The following BRWD3 variants were observed in gnomAD, a reference collection of about 807,000 sequenced individuals.
BRWD3 encodes bromodomain and WD repeat domain containing 3.
BRWD3 carries 10 observed loss-of-function variants against 149.7 expected under a neutral mutation model. The ratio of observed to expected loss-of-function variants is 0.07; its 90% CI spans 0.04 to 0.11. The LOEUF (loss-of-function observed/expected upper bound fraction) is 0.11. Ranked by LOEUF, BRWD3 falls within the 10% of genes least tolerant of loss-of-function variation. The pLI is 1.00. For missense variants in BRWD3, 940 were observed against 1,373.2 expected, an observed-to-expected ratio of 0.68 and a Z score of 4.99; for synonymous variants, 504 against 456.7, an observed-to-expected ratio of 1.10 and a Z score of -1.32.
intron 4 of BRWD3, among the ~76,000 whole-genome samples, chrX:80,794,015 C>A: frequency 9.1e-6 from 1 of 109,908 alleles, no homozygotes; most frequent in East Asian, 2.9e-4. Flanking sequence ...CCCATCTCCA[C>A]TAAAAATACA....
chrX:80,796,320 G>A (rs1391504544), intron 4 of BRWD3, among the ~76,000 whole-genome samples: 3 of 110,100 alleles, frequency 2.7e-5, no homozygotes, highest in Non-Finnish European at 3.8e-5. Flanking sequence ...TAGTAGAGAC[G>A]GGGTTTCACC....
intron 26 of BRWD3, among the ~76,000 whole-genome samples, chrX:80,696,254 A>G (rs1187406318): frequency 1.8e-5 from 2 of 111,012 alleles, no homozygotes; most frequent in Non-Finnish European, 3.8e-5. Context: ...AGGAGTATGA[A>G]TTAATGTTCT....
chrX:80,795,022 T>G (rs1310281716), intron 4 of BRWD3, among the ~76,000 whole-genome samples: 4 of 111,501 alleles, frequency 3.6e-5, no homozygotes, highest in Non-Finnish European at 7.5e-5. Flanking sequence ...AATACTATGC[T>G]TTAAATAACT....
chrX:80,726,075 G>A (rs868041629), intron 14 of BRWD3, among the ~76,000 whole-genome samples: 2 of 598 alleles, frequency 3.3e-3, no homozygotes, highest in East Asian at 0.5. Context: ...ATGTTTACAT[G>A]TTGTCTGTAT....
chrX:80,715,886 C>G, intron 20 of BRWD3, among the ~76,000 whole-genome samples: 1 of 111,713 alleles, frequency 9.0e-6, no homozygotes, highest in Non-Finnish European at 1.9e-5. Flanking sequence ...AGTTAAGGTT[C>G]TACTTTGATC....
At chrX:80,803,101 C>CAAAAAAAAAAAAAAAAAAAAAA (rs61306754) in intron 4 of BRWD3, among the ~76,000 whole-genome samples, 1 of 24,057 alleles carries the variant, frequency 4.2e-5, no homozygotes, top group African/African-American at 1.0e-4. Context: ...GACTCCATCT[C>CAAAAAAAAAAAAAAAAAAAAAA]AAAAAAAAAA....
intron 6 of BRWD3, among the ~76,000 whole-genome samples, chrX:80,785,997 C>G (rs2074104047): frequency 9.0e-6 from 1 of 111,697 alleles, no homozygotes; most frequent in African/African-American, 3.3e-5. Flanking sequence ...CCACTGCACT[C>G]CAGCCTGTGC....
Position 80,784,949 on chromosome X carries a change from G to C in BRWD3, c.430+6905C>G, listed in dbSNP as rs773927277. Among the ~76,000 whole-genome samples the C allele has an allele frequency of 4.5e-5, 5 of 111,836 alleles. No homozygotes were observed. The South Asian group carries it at 1.9e-3, about 41-fold the overall frequency. On this transcript the variant is annotated intron_variant, in intron 6 of 40. Transcript: ENST00000373275. Reference sequence around the variant, plus strand: ...ATGGTATTTCTGGTTCTAGAACCTTGAGGAATCATCACAGTCTTCCACCAT... The same window carrying C: ...ATGGTATTTCTGGTTCTAGAACCTTCAGGAATCATCACAGTCTTCCACCAT...
chrX:80,751,987 T>G lies in BRWD3; in HGVS notation c.431-6258A>C, dbSNP rs1276706818. ...TTTCAATTTATTCATATTTCATTAT[T>G]ATTATTATTATTATTATTATTATTA... is the stretch of plus-strand genomic sequence containing the variant. On this transcript the variant is annotated intron_variant, in intron 6 of 40. Transcript: ENST00000373275. Among the ~76,000 whole-genome samples the G allele has an allele frequency of 6.7e-4, 17 of 25,509 alleles. No homozygotes were observed. The East Asian group carries it at 7.8e-3, about 12-fold the overall frequency. 22.2% of individuals were successfully genotyped at this position (25,509 alleles called of 115,157 possible).
At chrX:80,743,393 G>C (rs1299530099) in intron 8 of BRWD3, among the ~76,000 whole-genome samples, 1 of 111,539 alleles carries the variant, frequency 9.0e-6, no homozygotes, top group Non-Finnish European at 1.9e-5. Flanking sequence ...TTTGATATCA[G>C]GATGATGCTG....
At chrX:80,688,008 G>A (rs964237709) in intron 34 of BRWD3, 61 bp downstream of exon 34, 62 of 918,706 alleles carry the variant, frequency 6.7e-5, no homozygotes, top group Non-Finnish European at 9.5e-5. Flanking sequence ...GTTGGTCTTA[G>A]GGATCACTGA....
chrX:80,725,861 A>G (rs2073218220), intron 14 of BRWD3, among the ~76,000 whole-genome samples: 1 of 105,604 alleles, frequency 9.5e-6, no homozygotes, highest in African/African-American at 3.5e-5. Context: ...CCTATATAAC[A>G]TAACATGTTT....
chrX:80,736,093 A>G lies in BRWD3; in HGVS notation c.814-5T>C. The stretch of plus-strand genomic sequence containing the variant: ...GCCTTTAGTTGATGGACAAAACTTA[A>G]AAAAAAAAAAATCTGATTCAAATAA... On this transcript the variant is annotated splice_polypyrimidine_tract_variant and splice_region_variant and intron_variant, in intron 8 of 40. Transcript: ENST00000373275. 1 of 1,065,532 alleles carries G rather than the reference A, an allele frequency of 9.4e-7. No individual in the cohort carries two copies. Among genetic ancestry groups the G allele is most frequent in the Non-Finnish European group, 1.3e-6 (1 of 783,708 alleles). The allele number at this position is 1,065,532 out of a possible 1,213,427, so 87.8% of individuals were successfully genotyped here. A position where few individuals can be genotyped will look rare whatever the true frequency, so the allele number is the denominator to read the frequency against.
intron 6 of BRWD3, among the ~76,000 whole-genome samples, chrX:80,747,912 G>A (rs1210596609): frequency 1.8e-5 from 2 of 111,898 alleles, no homozygotes; most frequent in African/African-American, 6.5e-5. Flanking sequence ...CTATATGGAT[G>A]CATTTTGTTT....
chrX:80,795,112 T>C (rs1486624715), intron 4 of BRWD3, among the ~76,000 whole-genome samples: 5 of 111,725 alleles, frequency 4.5e-5, no homozygotes, highest in Admixed American at 9.6e-5. Context: ...AGATACCATA[T>C]ATAGATAAGA....
Position 80,676,752 on chromosome X carries a change from T to C in BRWD3, c.5266A>G (p.Thr1756Ala). 8.3e-7 allele frequency: 1 copy of C among 1,210,782 alleles called. No individual in the cohort carries two copies. The highest frequency in any genetic ancestry group is 1.1e-6 in the Non-Finnish European group (1 of 895,148). Residue 1756 changes from threonine (T) to alanine (A), a missense_variant, in exon 41 of 41, where the codon ACT becomes GCT. Physicochemically the swap from Thr to Ala is moderately conservative, Grantham distance 58. This residue lies in a region of BRWD3 where 16 missense variants were observed against 42.0 expected (regional missense o/e 0.38). Transcript: ENST00000373275. ...TCAGAATCATCATTATATAAAACAG[T>C]CCTCCTGCCTTGGTTTCTTGTTTTA... The part of the protein sequence containing the change: ...RIKTRNQGRR[T>A]VLYNDDSDND...
intron 18 of BRWD3, among the ~76,000 whole-genome samples, chrX:80,718,368 G>A (rs2073101691): frequency 8.9e-6 from 1 of 111,919 alleles, no homozygotes. Flanking sequence ...TTAAATGTCA[G>A]AAAAATTTCA....
intron 40 of BRWD3, among the ~76,000 whole-genome samples, chrX:80,677,726 G>A (rs745901914): frequency 3.6e-5 from 4 of 111,389 alleles, no homozygotes; most frequent in African/African-American, 9.8e-5. Context: ...CTTTGAATAC[G>A]GCAATGAAAG....
Position 80,672,242 on chromosome X carries a change from T to C in BRWD3, c.*4367A>G, listed in dbSNP as rs969352997. ...CTTAAGTGTGGTAAATTAGGTGCAG[T>C]TTTCATGGCAGAAAGAAAAGTGAGG... On this transcript the variant is annotated 3_prime_UTR_variant, in exon 41 of 41. Transcript: ENST00000373275. 5 of 108,849 alleles carry C rather than the reference T, an allele frequency of 4.6e-5. No homozygotes were observed. Among genetic ancestry groups the C allele is most frequent in the African/African-American group, 1.7e-4 (5 of 29,751 alleles). 9.0% of individuals were successfully genotyped at this position (108,849 alleles called of 1,213,427 possible).
Sources: allele counts gnomAD v4.1 joint callset (sites outside exome capture counted in the v4.1 genomes callset), GRCh38; gene constraint gnomAD v4.1.1; regional missense constraint gnomAD v4.1.1; transcripts MANE v1.5; gene names NCBI Gene and HGNC (gene_info 2026-07-23, HGNC 2026-07-21).